Variants in RASGRP3 observed in about 807,000 individuals in gnomAD.
The protein encoded by RASGRP3 is RAS guanyl releasing protein 3.
RASGRP3 carries 54 observed loss-of-function variants against 82.7 expected under a neutral mutation model. That is an observed-to-expected ratio of 0.65 (90% CI 0.52 to 0.82). The LOEUF (loss-of-function observed/expected upper bound fraction) is 0.82, where lower values mean the gene tolerates loss of function less well. Ranked by LOEUF, RASGRP3 falls within the 40% of genes least tolerant of loss-of-function variation. The pLI, the probability that RASGRP3 is intolerant of heterozygous loss-of-function variation, is 0.00. For synonymous variants in RASGRP3, 309 were observed against 300.5 expected (o/e 1.03, Z -0.29); for missense variants, 861 against 828.9 (o/e 1.04, Z -0.48).
intron 2 of RASGRP3, among the ~76,000 whole-genome samples, chr2:33,470,113 A>G (rs1666966913): frequency 6.6e-6 from 1 of 152,096 alleles, no homozygotes; most frequent in Non-Finnish European, 1.5e-5. Flanking sequence ...TATTCTTTAA[A>G]ATAAACTTGA....
intron 1 of RASGRP3, among the ~76,000 whole-genome samples, chr2:33,445,440 A>G (rs1482454730): frequency 6.6e-6 from 1 of 152,222 alleles, no homozygotes; most frequent in Non-Finnish European, 1.5e-5. Context: ...TATATAAATA[A>G]TGACCATTCA....
At chr2:33,455,715 T>C (rs544962490) in intron 2 of RASGRP3, among the ~76,000 whole-genome samples, 14 of 152,244 alleles carry the variant, frequency 9.2e-5, no homozygotes, top group Non-Finnish European at 2.1e-4. Flanking sequence ...ATTAAAACCA[T>C]CTAACCAAGT....
At chr2:33,441,640 T>C (rs556177170) in intron 1 of RASGRP3, among the ~76,000 whole-genome samples, 7 of 152,398 alleles carry the variant, frequency 4.6e-5, no homozygotes, top group African/African-American at 1.7e-4. Context: ...TTAAACTTTC[T>C]AATCATTAAA....
chr2:33,462,989 T>C (rs1272031940), intron 2 of RASGRP3, among the ~76,000 whole-genome samples: 1 of 152,198 alleles, frequency 6.6e-6, no homozygotes, highest in Non-Finnish European at 1.5e-5. Flanking sequence ...TAAGAAACTC[T>C]TTTCAAGAAT....
chr2:33,488,382 T>C (rs907538829), intron 1 of RASGRP3, among the ~76,000 whole-genome samples: 11 of 152,198 alleles, frequency 7.2e-5, no homozygotes, highest in Admixed American at 4.6e-4. Flanking sequence ...CTAACAACTC[T>C]GAATAGTAAT....
intron 7 of RASGRP3, 84 bp from the exon 8 acceptor site, chr2:33,523,795 C>T: frequency 1.6e-6 from 2 of 1,286,110 alleles, no homozygotes; most frequent in Non-Finnish European, 2.1e-6. Flanking sequence ...GAAACAATAT[C>T]TCACCTTTTC....
chr2:33,449,031 G>C (rs934765605), intron 2 of RASGRP3, among the ~76,000 whole-genome samples: 2 of 152,180 alleles, frequency 1.3e-5, no homozygotes, highest in Admixed American at 6.5e-5. Flanking sequence ...ATGTGGTAGA[G>C]ATTAGACATG....
At chr2:33,529,760 T>C (rs1230328966) in intron 10 of RASGRP3, among the ~76,000 whole-genome samples, 2 of 152,158 alleles carry the variant, frequency 1.3e-5, no homozygotes, top group Non-Finnish European at 2.9e-5. Context: ...TTTGGCTTTT[T>C]TTAAACAAGG....
intron 1 of RASGRP3, among the ~76,000 whole-genome samples, chr2:33,485,426 G>A (rs993959662): frequency 2.6e-5 from 4 of 152,144 alleles, no homozygotes; most frequent in Non-Finnish European, 4.4e-5. Context: ...TATTATTGAG[G>A]TGTTCTCTCA....
chr2:33,516,647 A>G lies in RASGRP3; in HGVS notation c.173+3A>G. ...TTGGCAGAAAAACTTCTCTGCATAT[A>G]TCTTTTCAACTACTGTGTAATTTTT... On this transcript the variant is annotated splice_donor_region_variant and intron_variant, in intron 4 of 17. Coordinates refer to ENST00000403687, the MANE Select transcript of RASGRP3 (RefSeq NM_001139488.2). 1 of 1,513,394 alleles carries G rather than the reference A, an allele frequency of 6.6e-7. No homozygotes were observed. Among genetic ancestry groups the G allele is most frequent in the Non-Finnish European group, 9.1e-7 (1 of 1,101,378 alleles). The allele number at this position is 1,513,394 out of a possible 1,614,324, so 93.7% of individuals were successfully genotyped here.
chr2:33,469,054 A>G (rs1225167584), intron 2 of RASGRP3, among the ~76,000 whole-genome samples: 1 of 152,182 alleles, frequency 6.6e-6, no homozygotes, highest in African/African-American at 2.4e-5. Flanking sequence ...TCAAGTTTAT[A>G]GATAATAAAT....
At chr2:33,441,041 C>T (rs764937263) in intron 1 of RASGRP3, among the ~76,000 whole-genome samples, 2 of 152,024 alleles carry the variant, frequency 1.3e-5, no homozygotes, top group African/African-American at 4.8e-5. Flanking sequence ...TGCAGGAACA[C>T]GCCACTGCAC....
Position 33,559,073 on chromosome 2 carries a change from G to C in RASGRP3, c.2064+43G>C, listed in dbSNP as rs1294110212. 4 of 1,469,246 alleles carry C rather than the reference G, an allele frequency of 2.7e-6. No individual in the cohort carries two copies. In the African/African-American group the frequency reaches 5.6e-5, roughly 21 times the overall value. 91.0% of individuals were successfully genotyped at this position (1,469,246 alleles called of 1,614,324 possible). A position where few individuals can be genotyped will look rare whatever the true frequency, so the allele number is the denominator to read the frequency against. On this transcript the variant is annotated intron_variant, in intron 17 of 17. Transcript: ENST00000403687. ...CCACAAAGAAAACCAGAAGAAGGAG[G>C]CTGAAAGTGCTGAGATGAGCGTTAC...
intron 11 of RASGRP3, among the ~76,000 whole-genome samples, chr2:33,537,811 GC>G (rs1482505818): frequency 6.6e-6 from 1 of 152,174 alleles, no homozygotes. Context: ...TGTGTTCTGT[GC>G]TTGTGTTATC....
intron 7 of RASGRP3, among the ~76,000 whole-genome samples, chr2:33,523,505 A>G (rs1672231073): frequency 6.6e-6 from 1 of 151,912 alleles, no homozygotes; most frequent in South Asian, 2.1e-4. Flanking sequence ...TCTTCTGAAG[A>G]TAGTGATCAT....
intron 1 of RASGRP3, among the ~76,000 whole-genome samples, chr2:33,437,823 T>G (rs1665006780): frequency 2.0e-5 from 3 of 150,998 alleles, no homozygotes; most frequent in Non-Finnish European, 4.4e-5. Flanking sequence ...TGAACTTAAG[T>G]GGTTAAAAAA....
intron 1 of RASGRP3, among the ~76,000 whole-genome samples, chr2:33,488,566 A>G (rs1371397323): frequency 6.6e-6 from 1 of 152,252 alleles, no homozygotes; most frequent in Non-Finnish European, 1.5e-5. Context: ...GCCTGTGTTC[A>G]TATTTATCCT....
intron 10 of RASGRP3, among the ~76,000 whole-genome samples, chr2:33,531,453 C>T (rs13404493): frequency 0.16 from 24,789 of 152,050 alleles, 2,724 homozygotes; most frequent in African/African-American, 0.31. Context: ...TAGGAGTAAC[C>T]CCGAGGGCAG....
At chr2:33,440,664 C>T (rs116778025) in intron 1 of RASGRP3, among the ~76,000 whole-genome samples, 3,765 of 152,226 alleles carry the variant, frequency 0.025, 51 homozygotes, top group Middle Eastern at 0.075. Flanking sequence ...CAGAGGTTTT[C>T]CTTATTTATT....
Sources: allele counts gnomAD v4.1 joint callset (sites outside exome capture counted in the v4.1 genomes callset), GRCh38; gene constraint gnomAD v4.1.1; transcripts MANE v1.5; gene names NCBI Gene and HGNC (gene_info 2026-07-23, HGNC 2026-07-21).